Variants in SLC15A1 observed in about 807,000 individuals in gnomAD.
The protein encoded by SLC15A1 is solute carrier family 15 member 1, also known as Caco-2 oligopeptide transporter.
Under a neutral mutation model 92.9 loss-of-function variants are expected in SLC15A1, and 83 were observed. That is an observed-to-expected ratio of 0.89 (90% CI 0.75 to 1.07). The LOEUF is 1.07. SLC15A1 is among the 50% of genes least tolerant of loss of function. The pLI is 0.00. For synonymous variants in SLC15A1, 322 were observed against 318.2 expected (o/e 1.01, Z -0.13); for missense variants, 857 against 880.1 (o/e 0.97, Z 0.33).
intron 15 of SLC15A1, among the ~76,000 whole-genome samples, chr13:98,707,374 A>G (rs1328633899): frequency 6.6e-6 from 1 of 152,204 alleles, no homozygotes; most frequent in East Asian, 1.9e-4. Flanking sequence ...AAGACAATAT[A>G]CTAAGTGAAA....
intron 1 of SLC15A1, among the ~76,000 whole-genome samples, chr13:98,730,817 G>C (rs554555690): frequency 3.9e-5 from 6 of 152,334 alleles, no homozygotes; most frequent in African/African-American, 1.4e-4. Context: ...GGTGGGTCCC[G>C]TGGGCCCTTC....
At chr13:98,693,702 C>T (rs1294736391) in intron 18 of SLC15A1, among the ~76,000 whole-genome samples, 1 of 152,186 alleles carries the variant, frequency 6.6e-6, no homozygotes, top group East Asian at 1.9e-4. Context: ...ATTTGCAGCA[C>T]AAAAGTTTTC....
chr13:98,691,161 A>T (rs929396999), intron 18 of SLC15A1, among the ~76,000 whole-genome samples: 1 of 152,044 alleles, frequency 6.6e-6, no homozygotes, highest in Admixed American at 6.5e-5. Flanking sequence ...CTCCTGCCTC[A>T]GACTCCCAAA....
chr13:98,721,640 G>A (rs2088259363), intron 6 of SLC15A1, 55 bp from the exon 7 acceptor site: 1 of 1,324,134 alleles, frequency 7.6e-7, no homozygotes, highest in Non-Finnish European at 1.1e-6. Context: ...ACTGAGCACA[G>A]GGAGCTGATG....
At chr13:98,694,197 G>A (rs1461872166) in intron 18 of SLC15A1, among the ~76,000 whole-genome samples, 2 of 152,002 alleles carry the variant, frequency 1.3e-5, no homozygotes, top group Admixed American at 1.3e-4. Flanking sequence ...CTCCCTTCTT[G>A]AAGTATCTTT....
At position 98,684,769 on chromosome 13, in the gene SLC15A1, A is replaced by C; in HGVS notation, c.2082T>G (p.Ser694Arg). 1 of 1,613,290 alleles carries C rather than the reference A, an allele frequency of 6.2e-7. No homozygotes were observed. The highest frequency in any genetic ancestry group is 8.5e-7 in the Non-Finnish European group (1 of 1,179,884). ...EDEKKNRLEK[S>R]NPYFMSGANS... ...TGGCCCCTGACATGAAATATGGGTT[A>C]CTCTTTTCCAGTCTGTTTTTCTTTT... is the stretch of plus-strand genomic sequence containing the variant. The change falls in exon 23 of 23, where the codon AGT (serine) becomes AGG (arginine). Residue 694 changes from serine to arginine, a missense_variant. Transcript: ENST00000376503.
Position 98,684,782 on chromosome 13 carries a change from CTGTT to C in SLC15A1, c.2065_2068del (p.Asn689AspfsTer41), listed in dbSNP as rs1326529688. 1 of 1,614,104 alleles carries C rather than the reference CTGTT, an allele frequency of 6.2e-7. No homozygotes were observed. The highest frequency in any genetic ancestry group is 1.1e-5 in the South Asian group (1 of 91,082). On this transcript the variant is annotated frameshift_variant, in exon 23 of 23. Transcript: ENST00000376503. LOFTEE classifies it low-confidence loss of function (END_TRUNC). ...GAAATATGGGTTACTCTTTTCCAGT[CTGTT>C]TTTCTTTTCATCCTCATCAAATTGA...
rs1361483719 is a variant in SLC15A1, at chr13:98,709,597, T to C, written c.1042A>G (p.Ile348Val). 3 of 1,613,952 alleles carry C rather than the reference T, an allele frequency of 1.9e-6. No homozygotes were observed. Among genetic ancestry groups the C allele is most frequent in the Admixed American group, 3.3e-5 (2 of 59,998 alleles). The change falls in exon 14 of 23, where the codon ATT (isoleucine) becomes GTT (valine). Residue 348 changes from isoleucine (I) to valine (V), a missense_variant. By Grantham distance (29) the Ile-to-Val change is conservative. Coordinates refer to ENST00000376503, the MANE Select transcript of SLC15A1 (RefSeq NM_005073.4). The part of the protein sequence containing the change: ...PIFDAVLYPL[I>V]AKCGFNFTSL... ...GTGAAATTGAAGCCACATTTTGCAA[T>C]GAGAGGGTACAGCACAGCATCGAAG...
Position 98,697,254 on chromosome 13 carries a change from C to A in SLC15A1, c.1466+5226G>T, listed in dbSNP as rs530239531. ...TATTTTTAGTAGAGACGGAGTTTCA[C>A]CATGTTGGCCAGGCTGATCTTGAAC... On this transcript the variant is annotated intron_variant, in intron 18 of 22. Coordinates refer to ENST00000376503, the MANE Select transcript of SLC15A1 (RefSeq NM_005073.4). Among the ~76,000 whole-genome samples, 6 of 152,228 alleles carry A rather than the reference C, an allele frequency of 3.9e-5. No individual in the cohort carries two copies. The East Asian group carries it at 1.2e-3, about 29-fold the overall frequency.
At chr13:98,719,131 T>C in intron 8 of SLC15A1, 106 bp downstream of exon 8, 1 of 737,342 alleles carries the variant, frequency 1.4e-6, no homozygotes, top group Admixed American at 2.3e-5. Flanking sequence ...TTCTCACTAC[T>C]TTTTGTTGCC....
intron 3 of SLC15A1, 39 bp downstream of exon 3, chr13:98,726,329 G>T: frequency 6.2e-7 from 1 of 1,613,566 alleles, no homozygotes; most frequent in South Asian, 1.1e-5. Flanking sequence ...GGCCACTCCC[G>T]CTCTTCCCTG....
intron 1 of SLC15A1, among the ~76,000 whole-genome samples, chr13:98,730,238 A>AAGGGGAAAGGG (rs2088337716): frequency 2.6e-4 from 4 of 15,370 alleles, no homozygotes; most frequent in African/African-American, 1.0e-3. Context: ...AGGGGAAGGG[A>AAGGGGAAAGGG]AGGGGAAGGG....
intron 8 of SLC15A1, among the ~76,000 whole-genome samples, chr13:98,716,396 C>T (rs56319960): frequency 0.37 from 56,872 of 152,008 alleles, 13,419 homozygotes; most frequent in Non-Finnish European, 0.53. Context: ...CCGAGGTGGG[C>T]GGATCACTTG....
intron 13 of SLC15A1, 40 bp from the exon 14 acceptor site, chr13:98,709,700 A>G (rs1233689828): frequency 1.2e-6 from 2 of 1,614,046 alleles, no homozygotes; most frequent in South Asian, 2.2e-5. Context: ...GCTTGTCTCA[A>G]AGACGACTCT....
chr13:98,692,834 C>A (rs112159204), intron 18 of SLC15A1, among the ~76,000 whole-genome samples: 1,613 of 152,220 alleles, frequency 0.011, 30 homozygotes, highest in African/African-American at 0.037. Context: ...CAGCCTCGAC[C>A]TCCCGGGGCT....
intron 18 of SLC15A1, among the ~76,000 whole-genome samples, chr13:98,693,544 T>A (rs140534272): frequency 6.6e-6 from 1 of 152,354 alleles, no homozygotes; most frequent in African/African-American, 2.4e-5. Context: ...ATTTAAATAC[T>A]GTGCCCATTT....
rs1438775870 is a variant in SLC15A1, at chr13:98,712,566, A to G, written c.742T>C (p.Phe248Leu). ...KCIGFAIKNR[F>L]RHRSKAFPKR... ...GGAAATGCCTTACTCCGATGCCTAAATCTATTTTTGATGGCAAACTGAAGG... is the reference window on the plus strand; with the variant it reads ...GGAAATGCCTTACTCCGATGCCTAAGTCTATTTTTGATGGCAAACTGAAGG... The change falls in exon 10 of 23, where the codon TTT (phenylalanine) becomes CTT (leucine). Residue 248 changes from phenylalanine to leucine, a missense_variant. Phe to Leu is a conservative substitution (Grantham distance 22). Transcript: ENST00000376503. The G allele has an allele frequency of 1.9e-6, 3 of 1,608,002 alleles. No homozygotes were observed. The highest frequency in any genetic ancestry group is 2.2e-5 in the East Asian group (1 of 44,680).
intron 1 of SLC15A1, among the ~76,000 whole-genome samples, chr13:98,733,693 T>C (rs1031086157): frequency 2.2e-4 from 33 of 152,238 alleles, no homozygotes; most frequent in South Asian, 4.1e-4. Flanking sequence ...TGGAAAGACA[T>C]GGGCTTTTGG....
intron 18 of SLC15A1, among the ~76,000 whole-genome samples, chr13:98,693,091 T>G (rs1453340823): frequency 1.5e-5 from 2 of 129,442 alleles, no homozygotes; most frequent in Non-Finnish European, 3.3e-5. Context: ...GTCTACGTTT[T>G]TTTTTTTTTT....
Sources: allele counts gnomAD v4.1 joint callset (sites outside exome capture counted in the v4.1 genomes callset), GRCh38; gene constraint gnomAD v4.1.1; transcripts MANE v1.5; gene names NCBI Gene and HGNC (gene_info 2026-07-23, HGNC 2026-07-21).